Variants in SUPT3H observed in about 807,000 individuals in gnomAD.
SUPT3H encodes transcription initiation protein SPT3 homolog.
In SUPT3H, 44 loss-of-function variants were observed where a neutral mutation model predicts 44.3. That is an observed-to-expected ratio of 0.99 (90% confidence interval 0.78 to 1.28). SUPT3H has a LOEUF of 1.28. SUPT3H is among the 50% of genes most tolerant of loss of function. The pLI, the probability that SUPT3H is intolerant of heterozygous loss-of-function variation, is 0.00. For missense variants in SUPT3H, 380 were observed against 387.1 expected, an observed-to-expected ratio of 0.98 and a Z score of 0.15; for synonymous variants, 124 against 125.6, an observed-to-expected ratio of 0.99 and a Z score of 0.09.
chr6:45,376,013 GAAT>G (rs1033242891), intron 1 of SUPT3H, among the ~76,000 whole-genome samples: 3 of 152,140 alleles, frequency 2.0e-5, no homozygotes, highest in Non-Finnish European at 4.4e-5. Context: ...AAAAAAACTT[GAAT>G]AAGAGCTGGA....
At chr6:44,956,254 G>A (rs1775146178) in intron 7 of SUPT3H, among the ~76,000 whole-genome samples, 1 of 151,818 alleles carries the variant, frequency 6.6e-6, no homozygotes, top group Non-Finnish European at 1.5e-5. Flanking sequence ...GAAGGCCAAG[G>A]TGGGCAGATC....
downstream of SUPT3H, among the ~76,000 whole-genome samples, chr6:44,821,777 C>T (rs1036504097): frequency 6.6e-6 from 1 of 152,138 alleles, no homozygotes; most frequent in Non-Finnish European, 1.5e-5. Context: ...CTCAAATCCA[C>T]GTTAAAGCTG....
chr6:44,979,636 A>G (rs1204823220), intron 6 of SUPT3H, among the ~76,000 whole-genome samples: 2 of 152,186 alleles, frequency 1.3e-5, no homozygotes, highest in East Asian at 3.8e-4. Context: ...AGTAATCTCT[A>G]CAGCCTCCTT....
At chr6:44,885,708 C>T (rs1340130580) in intron 10 of SUPT3H, among the ~76,000 whole-genome samples, 1 of 152,136 alleles carries the variant, frequency 6.6e-6, no homozygotes, top group Non-Finnish European at 1.5e-5. Context: ...AAGCAGAGCA[C>T]CTCTCCTCCT....
At chr6:45,251,742 A>T (rs1348567737) in intron 2 of SUPT3H, among the ~76,000 whole-genome samples, 1 of 152,188 alleles carries the variant, frequency 6.6e-6, no homozygotes, top group Non-Finnish European at 1.5e-5. Flanking sequence ...TACCATAAAC[A>T]AAGGCCAGTG....
chr6:44,889,581 G>A (rs905165395), intron 10 of SUPT3H, among the ~76,000 whole-genome samples: 4 of 152,130 alleles, frequency 2.6e-5, no homozygotes, highest in African/African-American at 4.8e-5. Flanking sequence ...GAAACTGGAT[G>A]CCTTCCTTAC....
chr6:45,058,015 A>G (rs1338511592), intron 3 of SUPT3H, among the ~76,000 whole-genome samples: 1 of 152,186 alleles, frequency 6.6e-6, no homozygotes. Context: ...AGAGAGTGAT[A>G]TAAGTTAGTT....
chr6:45,363,288 T>C (rs982948917), intron 2 of SUPT3H, among the ~76,000 whole-genome samples: 4 of 152,220 alleles, frequency 2.6e-5, no homozygotes, highest in Non-Finnish European at 5.9e-5. Flanking sequence ...ACTTCTGCTA[T>C]AGGACATCTG....
chr6:44,989,971 T>G (rs1780375057), intron 6 of SUPT3H, among the ~76,000 whole-genome samples: 1 of 152,140 alleles, frequency 6.6e-6, no homozygotes, highest in Admixed American at 6.6e-5. Flanking sequence ...GTTGACTTTT[T>G]CCTTTGCCAT....
chr6:44,877,367 A>C (rs1389643101), intron 10 of SUPT3H, among the ~76,000 whole-genome samples: 3 of 151,648 alleles, frequency 2.0e-5, no homozygotes, highest in Admixed American at 6.6e-5. Context: ...TACTTTGGAG[A>C]CTGAGGCAGC....
chr6:45,340,870 T>G (rs1445126887), intron 2 of SUPT3H, among the ~76,000 whole-genome samples: 1 of 152,122 alleles, frequency 6.6e-6, no homozygotes, highest in African/African-American at 2.4e-5. Context: ...TGGAATCAAA[T>G]CCTACTTCCT....
intron 6 of SUPT3H, among the ~76,000 whole-genome samples, chr6:44,995,808 G>C (rs1464656422): frequency 6.6e-6 from 1 of 151,772 alleles, no homozygotes; most frequent in African/African-American, 2.4e-5. Context: ...AATCAAATGA[G>C]GATTAAGAGA....
At chr6:45,302,885 C>A (rs1782379028) in intron 2 of SUPT3H, among the ~76,000 whole-genome samples, 1 of 152,036 alleles carries the variant, frequency 6.6e-6, no homozygotes, top group Non-Finnish European at 1.5e-5. Flanking sequence ...GCCATTCTCG[C>A]AGGAGTATAG....
At chr6:44,992,114 A>T (rs368165237) in intron 6 of SUPT3H, among the ~76,000 whole-genome samples, 9 of 152,312 alleles carry the variant, frequency 5.9e-5, no homozygotes, top group East Asian at 5.8e-4. Flanking sequence ...GGTGTTCTTA[A>T]ATTCAATGAT....
At chr6:45,221,225 G>C (rs1765998010) in intron 2 of SUPT3H, among the ~76,000 whole-genome samples, 1 of 152,146 alleles carries the variant, frequency 6.6e-6, no homozygotes, top group African/African-American at 2.4e-5. Context: ...GCCTGTCATG[G>C]GGTGGGGGCA....
intron 2 of SUPT3H, among the ~76,000 whole-genome samples, chr6:45,358,333 A>AT (rs1406431413): frequency 6.6e-6 from 1 of 152,182 alleles, no homozygotes; most frequent in Non-Finnish European, 1.5e-5. Context: ...TGCCTGGCTT[A>AT]TTTAATATAC....
intron 2 of SUPT3H, among the ~76,000 whole-genome samples, chr6:45,256,786 G>T (rs961043579): frequency 1.3e-5 from 2 of 152,154 alleles, no homozygotes; most frequent in East Asian, 1.9e-4. Context: ...TTTTGTGCCT[G>T]AATAATAATC....
At chr6:45,011,092 TC>T (rs1020628029) in intron 5 of SUPT3H, among the ~76,000 whole-genome samples, 1 of 152,120 alleles carries the variant, frequency 6.6e-6, no homozygotes, top group African/African-American at 2.4e-5. Context: ...TATAATCCTT[TC>T]TATACTTGCT....
intron 2 of SUPT3H, among the ~76,000 whole-genome samples, chr6:45,270,676 A>G (rs770251716): frequency 6.6e-6 from 1 of 152,204 alleles, no homozygotes. Context: ...ATGGACTAAT[A>G]CAGTAAACTG....
Sources: allele counts gnomAD v4.1 joint callset (sites outside exome capture counted in the v4.1 genomes callset), GRCh38; gene constraint gnomAD v4.1.1; transcripts MANE v1.5; gene names NCBI Gene and HGNC (gene_info 2026-07-23, HGNC 2026-07-21).